The following CD46 variants were observed in gnomAD, a reference collection of about 807,000 sequenced individuals.
CD46 encodes CD46 molecule, also known as membrane cofactor protein.
A neutral mutation model predicts 53.3 loss-of-function variants in CD46; 30 were observed. The ratio of observed to expected loss-of-function variants is 0.56; its 90% CI spans 0.42 to 0.76. The LOEUF (loss-of-function observed/expected upper bound fraction) is 0.76. Among genes scored for constraint, CD46 ranks in the 30% least tolerant of loss-of-function variants. The pLI, the probability that CD46 is intolerant of heterozygous loss-of-function variation, is 0.00. For missense variants in CD46, 409 were observed against 463.0 expected (o/e 0.88, Z 1.07); for synonymous variants, 142 against 152.0 (o/e 0.93, Z 0.48).
chr1:207,793,189 G>T (rs1659964099), intron 12 of CD46, among the ~76,000 whole-genome samples: 1 of 152,178 alleles, frequency 6.6e-6, no homozygotes, highest in Admixed American at 6.5e-5. Flanking sequence ...CTTTAAAATG[G>T]AGGGATCAGG....
At chr1:207,790,091 T>G (rs867144133) in intron 11 of CD46, among the ~76,000 whole-genome samples, 162 bp from the exon 12 acceptor site, 4 of 152,174 alleles carry the variant, frequency 2.6e-5, no homozygotes, top group Admixed American at 2.0e-4. Flanking sequence ...AATTCATGTT[T>G]CCAGTCCTTC....
chr1:207,763,641 A>T (rs377620045), intron 5 of CD46, among the ~76,000 whole-genome samples: 20 of 151,738 alleles, frequency 1.3e-4, no homozygotes, highest in South Asian at 4.2e-4. Context: ...AGATATATAT[A>T]TTTTAATCTT....
intron 5 of CD46, among the ~76,000 whole-genome samples, chr1:207,764,258 G>A (rs1262365426): frequency 1.3e-5 from 2 of 152,126 alleles, no homozygotes; most frequent in African/African-American, 2.4e-5. Flanking sequence ...ACATGCGCTT[G>A]GAAACAGCGT....
At position 207,794,496 on chromosome 1, in the gene CD46, T is replaced by C. The variant is rs1660077020; in HGVS notation, c.*1019T>C. On this transcript the variant is annotated 3_prime_UTR_variant, in exon 13 of 13. Transcript: ENST00000367042. ...AGGGGTTAAACATGCCCTCTAAAAG[T>C]AGGTGGTTTTGAAGAGAATAAATTC... is the stretch of plus-strand genomic sequence containing the variant. The C allele has an allele frequency of 6.6e-6, 1 of 152,196 alleles. No individual in the cohort carries two copies. The highest frequency in any genetic ancestry group is 1.5e-5 in the Non-Finnish European group (1 of 68,018). 9.4% of individuals were successfully genotyped at this position (152,196 alleles called of 1,614,324 possible).
intron 12 of CD46, among the ~76,000 whole-genome samples, 154 bp downstream of exon 12, chr1:207,790,499 G>T (rs1039816300): frequency 1.3e-5 from 2 of 152,186 alleles, no homozygotes; most frequent in African/African-American, 4.8e-5. Flanking sequence ...TTATTGATGT[G>T]TTCTTATACC....
chr1:207,787,486 A>T (rs971749872), intron 11 of CD46, among the ~76,000 whole-genome samples: 1 of 152,116 alleles, frequency 6.6e-6, no homozygotes, highest in Non-Finnish European at 1.5e-5. Context: ...ATTTTTTTTT[A>T]AAGCCCATAT....
intron 2 of CD46, 104 bp from the exon 3 acceptor site, chr1:207,757,436 A>G (rs1459934467): frequency 1.2e-6 from 1 of 821,526 alleles, no homozygotes; most frequent in African/African-American, 1.7e-5. Context: ...GTAAATAATG[A>G]AAATTATATT....
In CD46 at chr1:207,757,657, A is replaced by G. The variant is rs1655715532; in HGVS notation, c.389+15A>G. On this transcript the variant is annotated intron_variant, in intron 3 of 12. Transcript: ENST00000367042. ...TGTAATGAGGGGTAAGTTGCTCCTT[A>G]GAGGAAATAAGGGAAGTGTTAGTAA... The G allele has an allele frequency of 2.8e-6, 4 of 1,429,090 alleles. No individual in the cohort carries two copies. Among genetic ancestry groups the G allele is most frequent in the Non-Finnish European group, 3.0e-6 (3 of 1,015,848 alleles). 88.5% of individuals were successfully genotyped at this position (1,429,090 alleles called of 1,614,324 possible).
At chr1:207,791,368 T>C (rs1659786559) in intron 12 of CD46, among the ~76,000 whole-genome samples, 1 of 152,190 alleles carries the variant, frequency 6.6e-6, no homozygotes, top group Non-Finnish European at 1.5e-5. Flanking sequence ...ATTATAAAAA[T>C]ATGCCAGCAT....
Position 207,785,626 on chromosome 1 carries a change from A to T in CD46, c.1026A>T (p.Gly342=). 5.0e-6 allele frequency: 8 copies of T among 1,607,520 alleles called. No individual in the cohort carries two copies. The highest frequency in any genetic ancestry group is 6.8e-6 in the Non-Finnish European group (8 of 1,174,252). Residue 342 remains glycine, a synonymous_variant, in exon 11 of 13, where the codon GGA becomes GGT. Coordinates refer to ENST00000367042, the MANE Select transcript of CD46 (RefSeq NM_172351.3). The part of the protein sequence containing the change: ...IAVIVIAIVV[G]VAVICVVPYR... The stretch of plus-strand genomic sequence containing the variant: ...TTTCCTGGTTTCTTATAGTTGTTGG[A>T]GTTGCAGTAATTTGTGTTGTCCCGT...
intron 8 of CD46, among the ~76,000 whole-genome samples, chr1:207,772,845 A>G (rs565367234): frequency 1.3e-5 from 2 of 152,334 alleles, no homozygotes; most frequent in South Asian, 4.1e-4. Context: ...CATCAGGGAT[A>G]TTGGCCTAAA....
chr1:207,790,743 G>A (rs1659725439), intron 12 of CD46, among the ~76,000 whole-genome samples: 1 of 152,172 alleles, frequency 6.6e-6, no homozygotes, highest in African/African-American at 2.4e-5. Context: ...ACTTAGTTTT[G>A]TAAATTTATT....
In CD46 at chr1:207,785,617, A is replaced by G; in HGVS notation, c.1019-2A>G. 3 of 1,602,020 alleles carry G rather than the reference A, an allele frequency of 1.9e-6. No homozygotes were observed. Among genetic ancestry groups the G allele is most frequent in the Non-Finnish European group, 2.6e-6 (3 of 1,169,250 alleles). ...TGTCATTTGTTTCCTGGTTTCTTATAGTTGTTGGAGTTGCAGTAATTTGTG... is the reference window on the plus strand; with the variant it reads ...TGTCATTTGTTTCCTGGTTTCTTATGGTTGTTGGAGTTGCAGTAATTTGTG... On this transcript the variant is annotated splice_acceptor_variant, in intron 10 of 12. Coordinates refer to ENST00000367042, the MANE Select transcript of CD46 (RefSeq NM_172351.3). LOFTEE classifies it high-confidence loss of function.
At chr1:207,789,655 C>T (rs753972684) in intron 11 of CD46, among the ~76,000 whole-genome samples, 18 of 152,076 alleles carry the variant, frequency 1.2e-4, no homozygotes, top group Non-Finnish European at 2.1e-4. Context: ...AGTCCAGAGA[C>T]ATCTGAAAAT....
In CD46 at chr1:207,790,242, C is replaced by T. The variant is rs189890622; in HGVS notation, c.1083-11C>T. 28 of 1,442,008 alleles carry T rather than the reference C, an allele frequency of 1.9e-5. No homozygotes were observed. In the Admixed American group the frequency reaches 2.7e-4, roughly 14 times the overall value. The allele number at this position is 1,442,008 out of a possible 1,614,324, so 89.3% of individuals were successfully genotyped here. The stretch of plus-strand genomic sequence containing the variant: ...CTATTTTATTCAGCCGTTTTCTCTT[C>T]CTCTGTTCAGCACATACCTAACTGA... On this transcript the variant is annotated splice_polypyrimidine_tract_variant and intron_variant, in intron 11 of 12. Transcript: ENST00000367042.
At chr1:207,761,858 A>AT (rs60550654) in intron 5 of CD46, among the ~76,000 whole-genome samples, 1 of 151,136 alleles carries the variant, frequency 6.6e-6, no homozygotes, top group Non-Finnish European at 1.5e-5. Flanking sequence ...GATAAAAAAA[A>AT]TTTTTTTTTT....
Position 207,757,344 on chromosome 1 carries a change from GA to G in CD46, c.286+145del, listed in dbSNP as rs1292667786. 3 of 912,004 alleles carry G rather than the reference GA, an allele frequency of 3.3e-6. No individual in the cohort carries two copies. The Admixed American group carries it at 6.2e-5, about 19-fold the overall frequency. 56.5% of individuals were successfully genotyped at this position (912,004 alleles called of 1,614,324 possible). The stretch of plus-strand genomic sequence containing the variant: ...AACAATGCATTTTTGCAAGCTTTGA[GA>G]AATCAAAATCTCCAAGAAATCATTT... On this transcript the variant is annotated intron_variant, in intron 2 of 12. Coordinates refer to ENST00000367042, the MANE Select transcript of CD46 (RefSeq NM_172351.3).
chr1:207,789,809 C>T lies in CD46; in HGVS notation c.1083-444C>T, dbSNP rs563207309. Among the ~76,000 whole-genome samples the T allele has an allele frequency of 1.2e-3, 162 of 140,668 alleles. 1 individual carries two copies. The highest frequency in any genetic ancestry group is 3.8e-3 in the African/African-American group (143 of 37,204). 92.3% of individuals were successfully genotyped at this position (140,668 alleles called of 152,430 possible). On this transcript the variant is annotated intron_variant, in intron 11 of 12. Transcript: ENST00000367042. ...GCAACTTTGTGAGGCCGAGGCAGGC[C>T]GATGGCTTGAGCTCAGGAGTTTGAG...
At chr1:207,787,688 G>T (rs575344548) in intron 11 of CD46, among the ~76,000 whole-genome samples, 2 of 152,158 alleles carry the variant, frequency 1.3e-5, no homozygotes, top group African/African-American at 2.4e-5. Flanking sequence ...TATAAACTGC[G>T]TGGGAATCTT....
Sources: allele counts gnomAD v4.1 joint callset (sites outside exome capture counted in the v4.1 genomes callset), GRCh38; gene constraint gnomAD v4.1.1; transcripts MANE v1.5; gene names NCBI Gene and HGNC (gene_info 2026-07-23, HGNC 2026-07-21).